SIPA1L1: variants seen among roughly 807,000 people sequenced by gnomAD.
The protein encoded by SIPA1L1 is signal-induced proliferation-associated 1-like protein 1.
Under a neutral mutation model 162.7 loss-of-function variants are expected in SIPA1L1, and 26 were observed. The observed-to-expected ratio is 0.16, with a 90% CI of 0.12 to 0.22. SIPA1L1 has a LOEUF of 0.22. SIPA1L1 is among the 10% of genes least tolerant of loss of function. The probability of loss-of-function intolerance (pLI) is 1.00; values close to 1 mark genes in which losing one functional copy is unlikely to be tolerated. For synonymous variants in SIPA1L1, 829 were observed against 837.4 expected (o/e 0.99, Z 0.17); for missense variants, 1,874 against 2,241.0 (o/e 0.84, Z 3.31).
intron 2 of SIPA1L1, among the ~76,000 whole-genome samples, chr14:71,376,923 A>G (rs879753158): frequency 3.3e-5 from 5 of 152,182 alleles, no homozygotes; most frequent in African/African-American, 4.8e-5. Flanking sequence ...GGAGTCTCCT[A>G]TGTCTACTTC....
chr14:71,656,423 A>C (rs2043063560), intron 8 of SIPA1L1, among the ~76,000 whole-genome samples: 1 of 152,192 alleles, frequency 6.6e-6, no homozygotes, highest in Non-Finnish European at 1.5e-5. Context: ...ATTCACTTTA[A>C]AGTTTTAAAA....
chr14:71,541,151 T>TA (rs1017023524), intron 4 of SIPA1L1, among the ~76,000 whole-genome samples: 5 of 152,074 alleles, frequency 3.3e-5, no homozygotes, highest in Admixed American at 6.6e-5. Flanking sequence ...ATTTATGCTA[T>TA]ATGGAAGATA....
intron 17 of SIPA1L1, among the ~76,000 whole-genome samples, chr14:71,710,002 C>A (rs1404589719): frequency 6.6e-6 from 1 of 152,146 alleles, no homozygotes; most frequent in Non-Finnish European, 1.5e-5. Context: ...TATACTGGGA[C>A]AAGCTTTTGA....
intron 7 of SIPA1L1, among the ~76,000 whole-genome samples, chr14:71,647,466 A>C (rs143508201): frequency 6.6e-6 from 1 of 152,116 alleles, no homozygotes; most frequent in East Asian, 1.9e-4. Context: ...GCCTCTATCT[A>C]TGAAGTTTTA....
At chr14:71,608,398 G>T (rs1241268847) in intron 5 of SIPA1L1, among the ~76,000 whole-genome samples, 1 of 152,106 alleles carries the variant, frequency 6.6e-6, no homozygotes, top group African/African-American at 2.4e-5. Flanking sequence ...GGTATGAAGG[G>T]TGCTTTAAAT....
At chr14:71,549,245 C>G (rs897938335) in intron 4 of SIPA1L1, among the ~76,000 whole-genome samples, 2 of 152,042 alleles carry the variant, frequency 1.3e-5, no homozygotes, top group African/African-American at 4.8e-5. Flanking sequence ...GTAATTTATT[C>G]CCATTAATTG....
At chr14:71,444,416 G>A (rs1460504135) in intron 2 of SIPA1L1, among the ~76,000 whole-genome samples, 1 of 152,092 alleles carries the variant, frequency 6.6e-6, no homozygotes, top group East Asian at 1.9e-4. Context: ...TTATAGGATA[G>A]CGTTTTGAAA....
chr14:71,616,438 G>T (rs1253330901), intron 5 of SIPA1L1, among the ~76,000 whole-genome samples: 1 of 152,184 alleles, frequency 6.6e-6, no homozygotes, highest in Non-Finnish European at 1.5e-5. Flanking sequence ...CTTTAGTTCT[G>T]ACAGGTCGTA....
chr14:71,378,752 T>C (rs898021842), intron 2 of SIPA1L1, among the ~76,000 whole-genome samples: 3 of 152,226 alleles, frequency 2.0e-5, no homozygotes, highest in Non-Finnish European at 4.4e-5. Context: ...TTTGTCATTG[T>C]CCTTTTTTTA....
At chr14:71,432,076 C>CT (rs888152575) in intron 2 of SIPA1L1, among the ~76,000 whole-genome samples, 10 of 151,588 alleles carry the variant, frequency 6.6e-5, no homozygotes, top group East Asian at 3.9e-4. Flanking sequence ...TTTTCTTTTT[C>CT]TTTTTTTTAA....
chr14:71,322,093 T>C (rs2033100094), intron 2 of SIPA1L1, among the ~76,000 whole-genome samples: 1 of 152,250 alleles, frequency 6.6e-6, no homozygotes, highest in African/African-American at 2.4e-5. Flanking sequence ...GAGCCAGCGA[T>C]GTGATGCAAA....
chr14:71,591,820 T>G (rs2035440079), intron 5 of SIPA1L1, among the ~76,000 whole-genome samples: 3 of 152,200 alleles, frequency 2.0e-5, no homozygotes, highest in Admixed American at 6.5e-5. Flanking sequence ...ATCTTAGATT[T>G]CATAAATTTT....
intron 2 of SIPA1L1, among the ~76,000 whole-genome samples, chr14:71,444,891 A>AG (rs998161908): frequency 3.3e-5 from 5 of 152,168 alleles, no homozygotes; most frequent in African/African-American, 1.2e-4. Flanking sequence ...AAGCCTGTAT[A>AG]GGGAGCTACT....
At chr14:71,468,005 G>GGTGT (rs56265408) in intron 2 of SIPA1L1, among the ~76,000 whole-genome samples, 12,062 of 141,572 alleles carry the variant, frequency 0.085, 508 homozygotes, top group Non-Finnish European at 0.099. Context: ...CAGTTAGAGG[G>GGTGT]GTGTGTGTGT....
chr14:71,544,074 C>G (rs753331877), intron 4 of SIPA1L1, among the ~76,000 whole-genome samples: 3 of 149,992 alleles, frequency 2.0e-5, no homozygotes, highest in Non-Finnish European at 3.0e-5. Flanking sequence ...TACACACGCA[C>G]GCACATGTAT....
intron 4 of SIPA1L1, among the ~76,000 whole-genome samples, chr14:71,543,904 G>A (rs1009892462): frequency 1.9e-4 from 28 of 148,148 alleles, no homozygotes; most frequent in Middle Eastern, 3.5e-3. Flanking sequence ...ACGTATATGT[G>A]TGTATATATA....
intron 2 of SIPA1L1, among the ~76,000 whole-genome samples, chr14:71,476,479 A>G (rs2047860992): frequency 6.6e-6 from 1 of 152,190 alleles, no homozygotes; most frequent in African/African-American, 2.4e-5. Context: ...GGTTTAAATA[A>G]CACTTAATAC....
intron 5 of SIPA1L1, among the ~76,000 whole-genome samples, chr14:71,594,357 A>C (rs1206314926): frequency 6.6e-6 from 1 of 152,218 alleles, no homozygotes; most frequent in Non-Finnish European, 1.5e-5. Flanking sequence ...TTTTTAGTGC[A>C]TATAGAACAT....
chr14:71,536,226 GT>G (rs1241771987), intron 4 of SIPA1L1, among the ~76,000 whole-genome samples: 2 of 152,136 alleles, frequency 1.3e-5, no homozygotes, highest in African/African-American at 4.8e-5. Context: ...CCTTTGTGCT[GT>G]TTTGATGGCT....
Sources: gnomAD v4.1 joint callset for allele counts (sites outside exome capture counted in the v4.1 genomes callset) on GRCh38, gnomAD v4.1.1 for gene constraint, MANE v1.5 for transcripts, NCBI Gene and HGNC (gene_info 2026-07-23, HGNC 2026-07-21) for gene names.